Variants in PRIM2 observed in about 807,000 individuals in gnomAD.
The protein encoded by PRIM2 is DNA primase large subunit.
Under a neutral mutation model 67.3 loss-of-function variants are expected in PRIM2, and 39 were observed. The observed-to-expected ratio is 0.58, with a 90% CI of 0.45 to 0.76. The LOEUF is 0.76. Ranked by LOEUF, PRIM2 falls within the 30% of genes least tolerant of loss-of-function variation. PRIM2 has a pLI of 0.00. For missense variants in PRIM2, 398 were observed against 598.7 expected, an observed-to-expected ratio of 0.66 and a Z score of 3.50; for synonymous variants, 143 against 198.7, an observed-to-expected ratio of 0.72 and a Z score of 2.36.
intron 7 of PRIM2, among the ~76,000 whole-genome samples, chr6:57,455,984 G>T (rs1356976191): frequency 6.6e-6 from 1 of 152,064 alleles, no homozygotes; most frequent in African/African-American, 2.4e-5. Flanking sequence ...AGGCCTGGTG[G>T]TGACAAAATC....
At chr6:57,237,794 T>C in the PRIM2 span, among the ~76,000 whole-genome samples, 1 of 152,218 alleles carries the variant, frequency 6.6e-6, no homozygotes, top group Admixed American at 6.5e-5. Context: ...TTTGTACCAG[T>C]ACCATGCTGT....
At chr6:57,576,587 C>G (rs1334953420) in intron 10 of PRIM2, among the ~76,000 whole-genome samples, 3 of 151,600 alleles carry the variant, frequency 2.0e-5, no homozygotes, top group African/African-American at 7.3e-5. Flanking sequence ...TAATTCTGAT[C>G]CTTTATCGTC....
the PRIM2 span, among the ~76,000 whole-genome samples, chr6:57,269,098 G>T: frequency 6.6e-6 from 1 of 152,116 alleles, no homozygotes; most frequent in African/African-American, 2.4e-5. Context: ...AAACAAATGT[G>T]TGCATGTGTC....
the PRIM2 span, among the ~76,000 whole-genome samples, chr6:57,270,706 T>A: frequency 0.54 from 81,372 of 151,886 alleles, 23,595 homozygotes; most frequent in East Asian, 0.82. Context: ...GTCTTGTGCC[T>A]GTTTTCAAAG....
At chr6:57,296,615 G>T in the PRIM2 span, among the ~76,000 whole-genome samples, 3 of 151,818 alleles carry the variant, frequency 2.0e-5, no homozygotes, top group African/African-American at 7.3e-5. Context: ...GGGTGGTGGT[G>T]GTGGTAGGGT....
rs1211207679 is a variant in PRIM2 at position 57,467,602 on chromosome 6, T to C, written c.694-39785T>C. Among the ~76,000 whole-genome samples the C allele has an allele frequency of 3.9e-5, 6 of 152,344 alleles. No homozygotes were observed. The East Asian group carries it at 9.6e-4, about 24-fold the overall frequency. On this transcript the variant is annotated intron_variant, in intron 7 of 13. Coordinates refer to ENST00000615550, the MANE Select transcript of PRIM2 (RefSeq NM_000947.5). ...TCTTTTTGCTTAGGATTGTCTTGGC[T>C]GTACAGGCTCTTTTTTGGTTCCATG...
chr6:57,507,296 A>C, intron 7 of PRIM2, 91 bp from the exon 8 acceptor site: 2 of 854,630 alleles, frequency 2.3e-6, no homozygotes, highest in Non-Finnish European at 3.5e-6. Context: ...TTGCCTCCCT[A>C]TCTGCCCTTC....
intron 10 of PRIM2, among the ~76,000 whole-genome samples, chr6:57,567,532 C>T (rs1775767533): frequency 6.6e-6 from 1 of 152,106 alleles, no homozygotes; most frequent in African/African-American, 2.4e-5. Context: ...CATAACCCCA[C>T]CATAAGTCGG....
At chr6:57,339,836 A>C (rs1768406162) in intron 5 of PRIM2, among the ~76,000 whole-genome samples, 1 of 152,154 alleles carries the variant, frequency 6.6e-6, no homozygotes, top group Non-Finnish European at 1.5e-5. Context: ...CAATGGCAAC[A>C]AAAGCCAAAA....
At chr6:57,242,250 T>C in the PRIM2 span, among the ~76,000 whole-genome samples, 1 of 152,100 alleles carries the variant, frequency 6.6e-6, no homozygotes, top group Non-Finnish European at 1.5e-5. Context: ...AAAAACTTCC[T>C]TCATGTTAAA....
chr6:57,366,595 G>T (rs1006781276), intron 5 of PRIM2, among the ~76,000 whole-genome samples: 1 of 152,182 alleles, frequency 6.6e-6, no homozygotes, highest in African/African-American at 2.4e-5. Context: ...ATCCATATGG[G>T]TGTAGCAGTC....
At chr6:57,538,051 C>A (rs1207691001) in intron 10 of PRIM2, among the ~76,000 whole-genome samples, 2 of 151,358 alleles carry the variant, frequency 1.3e-5, no homozygotes, top group Admixed American at 6.6e-5. Flanking sequence ...TCTTCTGTTG[C>A]CCAGGCTGGG....
intron 7 of PRIM2, among the ~76,000 whole-genome samples, chr6:57,500,886 C>G (rs1420245014): frequency 2.0e-5 from 3 of 152,172 alleles, no homozygotes; most frequent in Admixed American, 2.0e-4. Flanking sequence ...GAATTGCAAA[C>G]ATGTTAAGTG....
At chr6:57,389,296 T>G (rs1368833570) in intron 7 of PRIM2, among the ~76,000 whole-genome samples, 1 of 152,028 alleles carries the variant, frequency 6.6e-6, no homozygotes, top group Non-Finnish European at 1.5e-5. Context: ...AAAGTTTATG[T>G]AGAGTTGGGG....
At chr6:57,483,204 G>A (rs1283159154) in intron 7 of PRIM2, among the ~76,000 whole-genome samples, 2 of 152,152 alleles carry the variant, frequency 1.3e-5, no homozygotes, top group East Asian at 1.9e-4. Context: ...CACTGCGCCC[G>A]GATGATTTTT....
intron 8 of PRIM2, among the ~76,000 whole-genome samples, chr6:57,529,093 G>A (rs1261235545): frequency 6.6e-6 from 1 of 151,732 alleles, no homozygotes; most frequent in Non-Finnish European, 1.5e-5. Context: ...GGTGGATTAC[G>A]AGGTCAGGAG....
intron 7 of PRIM2, among the ~76,000 whole-genome samples, chr6:57,483,569 A>G (rs1468164396): frequency 4.6e-5 from 7 of 152,146 alleles, no homozygotes; most frequent in Non-Finnish European, 8.8e-5. Context: ...TTTTTCAGTA[A>G]TGAGGAGTAG....
intron 5 of PRIM2, among the ~76,000 whole-genome samples, chr6:57,329,688 T>TAGAG (rs1767989743): frequency 6.6e-6 from 1 of 152,154 alleles, no homozygotes; most frequent in Non-Finnish European, 1.5e-5. Context: ...CTGCCATGAT[T>TAGAG]GTAAGTTTCC....
intron 10 of PRIM2, among the ~76,000 whole-genome samples, chr6:57,563,732 C>A (rs1285548152): frequency 6.6e-6 from 1 of 152,212 alleles, no homozygotes; most frequent in African/African-American, 2.4e-5. Flanking sequence ...ACCTCCGCCT[C>A]CTGGGTTCAA....
Sources: gnomAD v4.1 joint callset for allele counts (sites outside exome capture counted in the v4.1 genomes callset) on GRCh38, gnomAD v4.1.1 for gene constraint, MANE v1.5 for transcripts, NCBI Gene and HGNC (gene_info 2026-07-23, HGNC 2026-07-21) for gene names.